The following RNF213 variants were observed in gnomAD, a reference collection of about 807,000 sequenced individuals.
RNF213 encodes ring finger protein 213, also known as E3 ubiquitin-protein ligase RNF213.
A neutral mutation model predicts 514.4 loss-of-function variants in RNF213; 341 were observed. That is an observed-to-expected ratio of 0.66 (90% CI 0.61 to 0.73). The LOEUF (loss-of-function observed/expected upper bound fraction) is 0.73, where lower values mean the gene tolerates loss of function less well. Ranked by LOEUF, RNF213 falls within the 30% of genes least tolerant of loss-of-function variation. The probability of loss-of-function intolerance (pLI) is 0.00; values close to 1 mark genes in which losing one functional copy is unlikely to be tolerated. For synonymous variants in RNF213, 2,655 were observed against 2,658.2 expected, an observed-to-expected ratio of 1.00 and a Z score of 0.04; for missense variants, 5,767 against 6,615.6, an observed-to-expected ratio of 0.87 and a Z score of 4.45.
Position 80,372,570 on chromosome 17 carries a change from A to G in RNF213, c.12587A>G (p.Asn4196Ser). Residue 4196 changes from asparagine to serine, a missense_variant, in exon 48 of 68, where the codon AAC becomes AGC. Physicochemically the swap from Asn to Ser is conservative, Grantham distance 46 (BLOSUM62 1). Coordinates refer to ENST00000582970, the MANE Select transcript of RNF213 (RefSeq NM_001256071.3). Reference protein sequence around the residue: ...TSAYSRNDELNHLEEEGRFLK... With the variant: ...TSAYSRNDELSHLEEEGRFLK... ...GCTTACTCCAGAAATGATGAACTGA[A>G]CCACCTAGAAGAGGAAGGTCGTTTC... 3.1e-6 allele frequency: 5 copies of G among 1,614,030 alleles called. No individual in the cohort carries two copies. The highest frequency in any genetic ancestry group is 4.2e-6 in the Non-Finnish European group (5 of 1,179,982).
chr17:80,348,666 T>C (rs184498344), intron 29 of RNF213, among the ~76,000 whole-genome samples: 10 of 151,990 alleles, frequency 6.6e-5, no homozygotes, highest in African/African-American at 2.4e-4. Context: ...ATATGATAAA[T>C]GCTGTGCTTA....
At chr17:80,299,002 A>G (rs2045073437) in intron 11 of RNF213, among the ~76,000 whole-genome samples, 1 of 152,028 alleles carries the variant, frequency 6.6e-6, no homozygotes, top group South Asian at 2.1e-4. Flanking sequence ...AAAAACTATC[A>G]AGAATACAGA....
At chr17:80,306,179 G>A in intron 11 of RNF213, 73 bp from the exon 12 acceptor site, 2 of 1,399,654 alleles carry the variant, frequency 1.4e-6, no homozygotes, top group Admixed American at 1.7e-5. Flanking sequence ...TGTCCCTCCA[G>A]CATTGGTTTC....
intron 15 of RNF213, chr17:80,316,071 A>G (rs1417448872): frequency 1.3e-5 from 2 of 151,924 alleles, no homozygotes; most frequent in African/African-American, 2.4e-5. Flanking sequence ...ATATTTGAAC[A>G]TGCCTGACCT....
intron 67 of RNF213, among the ~76,000 whole-genome samples, chr17:80,390,856 A>G (rs560813710): frequency 3.0e-4 from 46 of 151,854 alleles, no homozygotes; most frequent in African/African-American, 1.1e-3. Flanking sequence ...TGAGGTCAGG[A>G]GTTCAAGACC....
At chr17:80,374,684 C>T in intron 50 of RNF213, 95 bp downstream of exon 50, 1 of 1,444,544 alleles carries the variant, frequency 6.9e-7, no homozygotes, top group Admixed American at 1.9e-5. Flanking sequence ...GGGTGATGGA[C>T]CACTGATGCA....
At chr17:80,296,659 C>T (rs2044960891) in intron 10 of RNF213, among the ~76,000 whole-genome samples, 1 of 152,304 alleles carries the variant, frequency 6.6e-6, no homozygotes, top group Non-Finnish European at 1.5e-5. Context: ...CTTATCACGA[C>T]ATCTGCCTCT....
intron 3 of RNF213, among the ~76,000 whole-genome samples, chr17:80,280,608 C>T (rs2044225097): frequency 6.6e-6 from 1 of 152,010 alleles, no homozygotes; most frequent in African/African-American, 2.4e-5. Flanking sequence ...CGTGCACCAC[C>T]ACACCCAATT....
At chr17:80,282,565 A>T (rs1568008040) in intron 3 of RNF213, among the ~76,000 whole-genome samples, 2 of 151,448 alleles carry the variant, frequency 1.3e-5, no homozygotes. Context: ...CGCCCAGCCA[A>T]TTTTTTTGTA....
chr17:80,330,211 G>A (rs546234906), intron 20 of RNF213, among the ~76,000 whole-genome samples: 5 of 152,172 alleles, frequency 3.3e-5, no homozygotes, highest in African/African-American at 4.8e-5. Context: ...GTTATTCACC[G>A]TTTTGTTTTG....
chr17:80,367,344 T>C (rs1328345311), intron 42 of RNF213, among the ~76,000 whole-genome samples: 2 of 152,142 alleles, frequency 1.3e-5, no homozygotes, highest in Non-Finnish European at 2.9e-5. Context: ...TCGCAGCAGC[T>C]TGGGAGGCTG....
chr17:80,362,893 G>A (rs557899431), intron 39 of RNF213, among the ~76,000 whole-genome samples: 1 of 152,346 alleles, frequency 6.6e-6, no homozygotes, highest in East Asian at 1.9e-4. Flanking sequence ...ATGATGTCAT[G>A]TTCAGTGGCA....
chr17:80,282,613 T>G (rs547516437), intron 3 of RNF213, among the ~76,000 whole-genome samples: 1 of 152,248 alleles, frequency 6.6e-6, no homozygotes, highest in South Asian at 2.1e-4. Context: ...TTAGCCAGGA[T>G]GGTCTGGATC....
At chr17:80,341,876 G>C (rs186912481) in intron 26 of RNF213, 1 of 152,214 alleles carries the variant, frequency 6.6e-6, no homozygotes, top group African/African-American at 2.4e-5. Context: ...GCACGATCTC[G>C]GCTCACTGCA....
chr17:80,290,815 T>C, intron 7 of RNF213, 87 bp downstream of exon 7: 1 of 1,468,100 alleles, frequency 6.8e-7, no homozygotes, highest in Non-Finnish European at 9.3e-7. Flanking sequence ...AAAATTTTGT[T>C]TTTTTTTTTT....
chr17:80,374,026 AG>A (rs2079636803), intron 49 of RNF213, among the ~76,000 whole-genome samples: 2 of 143,594 alleles, frequency 1.4e-5, no homozygotes, highest in East Asian at 4.1e-4. Context: ...AAAAAAAAAG[AG>A]GCTTCAAGGC....
chr17:80,335,932 A>G (rs7209233), intron 22 of RNF213, among the ~76,000 whole-genome samples: 107,492 of 149,874 alleles, frequency 0.72, 39,159 homozygotes, highest in African/African-American at 0.82. Flanking sequence ...AGCCGAGATC[A>G]TGTCACTTCA....
intron 46 of RNF213, 47 bp downstream of exon 46, chr17:80,369,914 T>C (rs1457803841): frequency 7.8e-7 from 1 of 1,289,612 alleles, no homozygotes; most frequent in Non-Finnish European, 1.1e-6. Flanking sequence ...TGGCTTTTTC[T>C]CTTCATCGCA....
chr17:80,355,630 CTTACAGGGGAAGAAGCGGGGTGGA>C (rs1431047190), intron 36 of RNF213, among the ~76,000 whole-genome samples: 4 of 33,980 alleles, frequency 1.2e-4, no homozygotes, highest in African/African-American at 3.7e-4. Flanking sequence ...GGAATGGGGG[CTTACAGGGGAAGAAGCGGGGTGGA>C]CGGGAATGGG....
Sources: gnomAD v4.1 joint callset for allele counts (sites outside exome capture counted in the v4.1 genomes callset) on GRCh38, gnomAD v4.1.1 for gene constraint, MANE v1.5 for transcripts, NCBI Gene and HGNC (gene_info 2026-07-23, HGNC 2026-07-21) for gene names.